STXBP6: variants seen among roughly 807,000 people sequenced by gnomAD.
STXBP6 encodes syntaxin binding protein 6, also known as syntaxin-binding protein 6.
STXBP6 carries 21 observed loss-of-function variants against 26.9 expected under a neutral mutation model. That is an observed-to-expected ratio of 0.78 (90% confidence interval 0.55 to 1.12). The LOEUF is 1.12. Ranked by LOEUF, STXBP6 falls within the 50% of genes most tolerant of loss-of-function variation. The pLI is 0.00. For missense variants in STXBP6, 232 were observed against 257.9 expected, an observed-to-expected ratio of 0.90 and a Z score of 0.69; for synonymous variants, 97 against 92.6, an observed-to-expected ratio of 1.05 and a Z score of -0.27.
At chr14:24,878,260 G>T (rs1054723022) in intron 2 of STXBP6, among the ~76,000 whole-genome samples, 1 of 151,452 alleles carries the variant, frequency 6.6e-6, no homozygotes, top group African/African-American at 2.4e-5. Flanking sequence ...TTTCTTCTAT[G>T]GTGTCACGAT....
Position 24,975,109 on chromosome 14 carries a change from T to A in STXBP6, c.-32-259A>T, listed in dbSNP as rs541127791. 5.3e-5 allele frequency among the ~76,000 whole-genome samples: 8 copies of A among 152,262 alleles called. No homozygotes were observed. In the South Asian group the frequency reaches 1.7e-3, roughly 32 times the overall value. On this transcript the variant is annotated intron_variant, in intron 1 of 5. Coordinates refer to ENST00000323944, the MANE Select transcript of STXBP6 (RefSeq NM_001394410.1). Reference sequence around the variant, plus strand: ...ACAATATGAGATGAGTAGTACAAACTGGGATCTGGAAAGTTTGTTAATTAC... The same window carrying A: ...ACAATATGAGATGAGTAGTACAAACAGGGATCTGGAAAGTTTGTTAATTAC...
chr14:24,856,136 T>A, intron 3 of STXBP6, 35 bp from the exon 4 acceptor site: 1 of 1,542,348 alleles, frequency 6.5e-7, no homozygotes, highest in Non-Finnish European at 8.7e-7. Flanking sequence ...CTAATCTCAA[T>A]CTATAAAAAC....
intron 2 of STXBP6, among the ~76,000 whole-genome samples, chr14:24,909,258 C>G (rs2071485978): frequency 6.6e-6 from 1 of 152,190 alleles, no homozygotes; most frequent in South Asian, 2.1e-4. Flanking sequence ...AGTCAGAACC[C>G]CTTTCACAGG....
At chr14:24,815,069 G>A (rs761451838) in intron 5 of STXBP6, among the ~76,000 whole-genome samples, 20 of 152,290 alleles carry the variant, frequency 1.3e-4, no homozygotes, top group African/African-American at 3.6e-4. Context: ...AATTAGGAGC[G>A]TTAGAATATG....
intron 2 of STXBP6, among the ~76,000 whole-genome samples, chr14:24,887,539 G>T (rs2139492301): frequency 6.6e-6 from 1 of 152,160 alleles, no homozygotes; most frequent in South Asian, 2.1e-4. Context: ...TTCTCTTTTT[G>T]TTTTGCAAAC....
intron 2 of STXBP6, among the ~76,000 whole-genome samples, chr14:24,872,953 A>T (rs1187517279): frequency 6.6e-6 from 1 of 152,196 alleles, no homozygotes; most frequent in Non-Finnish European, 1.5e-5. Context: ...TGATTCAGAA[A>T]CATAATGGAA....
intron 1 of STXBP6, among the ~76,000 whole-genome samples, chr14:25,036,324 G>A (rs2075551765): frequency 1.3e-5 from 2 of 152,034 alleles, no homozygotes; most frequent in African/African-American, 4.8e-5. Context: ...TAGTGTGGTG[G>A]GGTCCATGAT....
intron 1 of STXBP6, among the ~76,000 whole-genome samples, chr14:24,985,576 C>T (rs2140258885): frequency 6.6e-6 from 1 of 152,328 alleles, no homozygotes; most frequent in South Asian, 2.1e-4. Context: ...TCTGGGCCTT[C>T]TATCTTTTGC....
intron 4 of STXBP6, among the ~76,000 whole-genome samples, chr14:24,822,220 C>T (rs1476856054): frequency 1.3e-5 from 2 of 152,044 alleles, no homozygotes; most frequent in African/African-American, 4.8e-5. Context: ...CAATATCTGC[C>T]CAGGTCCTGA....
chr14:25,042,622 G>A lies in STXBP6; in HGVS notation c.-33+7256C>T, dbSNP rs982242849. Among the ~76,000 whole-genome samples the A allele has an allele frequency of 2.0e-5, 3 of 152,238 alleles. No individual in the cohort carries two copies. In the South Asian group the frequency reaches 6.2e-4, roughly 32 times the overall value. On this transcript the variant is annotated intron_variant, in intron 1 of 5. Transcript: ENST00000323944. ...AATGGTAGAGCTATGTTTCACACTC[G>A]GCCCTGTCCCATTCCGAAGCCATCT...
chr14:25,009,042 G>T (rs2074970805), intron 1 of STXBP6, among the ~76,000 whole-genome samples: 1 of 152,138 alleles, frequency 6.6e-6, no homozygotes, highest in Admixed American at 6.5e-5. Context: ...AGCAAGATAT[G>T]ACTTTTATCA....
chr14:24,940,409 T>C (rs1389939423), intron 2 of STXBP6, among the ~76,000 whole-genome samples: 1 of 152,188 alleles, frequency 6.6e-6, no homozygotes, highest in Non-Finnish European at 1.5e-5. Flanking sequence ...CAAACAGTGG[T>C]TCCATGGGTG....
intron 1 of STXBP6, among the ~76,000 whole-genome samples, chr14:25,004,331 G>A (rs1382343453): frequency 6.6e-6 from 1 of 152,148 alleles, no homozygotes; most frequent in Non-Finnish European, 1.5e-5. Flanking sequence ...CTTCCATGCG[G>A]GCCCAGTTCG....
chr14:24,958,629 T>C (rs746489238), intron 2 of STXBP6, among the ~76,000 whole-genome samples: 23 of 152,184 alleles, frequency 1.5e-4, no homozygotes, highest in Non-Finnish European at 2.6e-4. Context: ...ACACCATAAA[T>C]ACACTTTTTG....
At chr14:24,943,268 C>T (rs75521262) in intron 2 of STXBP6, among the ~76,000 whole-genome samples, 2,390 of 152,278 alleles carry the variant, frequency 0.016, 65 homozygotes, top group African/African-American at 0.054. Flanking sequence ...TGTCTTCTGC[C>T]CTGCCCCTTC....
At chr14:25,033,304 C>T (rs1189596017) in intron 1 of STXBP6, among the ~76,000 whole-genome samples, 1 of 152,192 alleles carries the variant, frequency 6.6e-6, no homozygotes, top group East Asian at 1.9e-4. Context: ...ACCCGGTTCG[C>T]TCCATCTTTA....
intron 2 of STXBP6, among the ~76,000 whole-genome samples, chr14:24,886,942 C>A (rs1358722003): frequency 6.6e-6 from 1 of 152,154 alleles, no homozygotes; most frequent in Non-Finnish European, 1.5e-5. Flanking sequence ...ACTTTCTGAA[C>A]CCTCCCAAAA....
At chr14:24,961,517 A>T (rs2140123538) in intron 2 of STXBP6, among the ~76,000 whole-genome samples, 1 of 152,300 alleles carries the variant, frequency 6.6e-6, no homozygotes, top group East Asian at 1.9e-4. Flanking sequence ...GATGGAGGCC[A>T]TTATTCTAAG....
At chr14:24,849,341 T>C (rs1284829287) in intron 4 of STXBP6, among the ~76,000 whole-genome samples, 4 of 152,124 alleles carry the variant, frequency 2.6e-5, no homozygotes, top group Non-Finnish European at 5.9e-5. Context: ...TGTAACATAA[T>C]TTACGGAGAA....
Sources: gnomAD v4.1 joint callset for allele counts (sites outside exome capture counted in the v4.1 genomes callset) on GRCh38, gnomAD v4.1.1 for gene constraint, MANE v1.5 for transcripts, NCBI Gene and HGNC (gene_info 2026-07-23, HGNC 2026-07-21) for gene names.